DPP10: variants seen among roughly 807,000 people sequenced by gnomAD.
DPP10 encodes inactive dipeptidyl peptidase 10.
In DPP10, 33 loss-of-function variants were observed where a neutral mutation model predicts 120.9. The observed-to-expected ratio is 0.27, with a 90% CI of 0.21 to 0.37. The LOEUF is 0.37. Ranked by LOEUF, DPP10 falls within the 10% of genes least tolerant of loss-of-function variation. The pLI is 1.00. For synonymous variants in DPP10, 337 were observed against 326.1 expected, an observed-to-expected ratio of 1.03 and a Z score of -0.36; for missense variants, 816 against 942.8, an observed-to-expected ratio of 0.87 and a Z score of 1.76.
intron 1 of DPP10, among the ~76,000 whole-genome samples, chr2:114,540,271 G>A (rs757148028): frequency 3.9e-5 from 6 of 152,172 alleles, no homozygotes; most frequent in African/African-American, 9.7e-5. Flanking sequence ...TTGATGGTTC[G>A]GAAGGACAAT....
rs190795853 is a variant in DPP10 at position 114,704,795 on chromosome 2, C to A, written c.60+261957C>A. Among the ~76,000 whole-genome samples the A allele has an allele frequency of 1.1e-3, 167 of 152,188 alleles. 1 individual carries two copies. The highest frequency in any genetic ancestry group is 3.6e-3 in the African/African-American group (150 of 41,522). ...AATAATTTATATGTTGAAGCTCTAA[C>A]CTCTGATATGATTGAATTTGGAGAT... On this transcript the variant is annotated intron_variant, in intron 1 of 25. Coordinates refer to ENST00000410059, the MANE Select transcript of DPP10 (RefSeq NM_020868.6).
chr2:115,446,744 C>A (rs2072630893), intron 3 of DPP10, among the ~76,000 whole-genome samples: 1 of 152,072 alleles, frequency 6.6e-6, no homozygotes, highest in Non-Finnish European at 1.5e-5. Flanking sequence ...AAGGGATGTG[C>A]TTATTAGGTC....
intron 1 of DPP10, among the ~76,000 whole-genome samples, chr2:114,898,353 TG>T (rs1574444332): frequency 1.9e-5 from 2 of 103,076 alleles, no homozygotes; most frequent in Admixed American, 1.1e-4. Context: ...TGTTGTGGGG[TG>T]GGGGATGGGG....
chr2:115,647,422 A>G (rs1286972929), intron 5 of DPP10, among the ~76,000 whole-genome samples: 1 of 152,156 alleles, frequency 6.6e-6, no homozygotes, highest in African/African-American at 2.4e-5. Context: ...GCTGGTATGT[A>G]CTAAACACTC....
intron 1 of DPP10, among the ~76,000 whole-genome samples, chr2:115,205,632 G>T (rs1356287687): frequency 6.6e-6 from 1 of 152,134 alleles, no homozygotes; most frequent in Non-Finnish European, 1.5e-5. Context: ...TAACCTCGGT[G>T]CCCATCAGTG....
At chr2:115,738,314 C>G (rs1006951309) in intron 8 of DPP10, among the ~76,000 whole-genome samples, 1 of 152,156 alleles carries the variant, frequency 6.6e-6, no homozygotes, top group Admixed American at 6.5e-5. Context: ...CATGGGCATT[C>G]CTGATTTCAC....
intron 1 of DPP10, among the ~76,000 whole-genome samples, chr2:115,202,718 T>A (rs1049328819): frequency 2.0e-5 from 3 of 152,202 alleles, no homozygotes; most frequent in Admixed American, 6.5e-5. Context: ...TATTTCTGTT[T>A]AATATGGACA....
chr2:115,184,720 A>G (rs771364214), intron 1 of DPP10, among the ~76,000 whole-genome samples: 48 of 152,348 alleles, frequency 3.2e-4, no homozygotes, highest in Non-Finnish European at 5.9e-4. Context: ...TTCGTACAGG[A>G]GATAGATATC....
In DPP10 at chr2:115,066,664, T is replaced by A. The variant is rs2105424601; in HGVS notation, c.61-242575T>A. 3 of 152,296 alleles carry A rather than the reference T, an allele frequency of 2.0e-5. 1 individual carries two copies. The South Asian group carries it at 6.2e-4, about 32-fold the overall frequency. 9.4% of individuals were successfully genotyped at this position (152,296 alleles called of 1,614,324 possible). A position where few individuals can be genotyped will look rare whatever the true frequency, so the allele number is the denominator to read the frequency against. On this transcript the variant is annotated intron_variant, in intron 1 of 25. Transcript: ENST00000410059. ...TATCTATGATTTCCTCCACAGATAA[T>A]TACTGGGAACCTGATGCTCAGTACT...
intron 5 of DPP10, among the ~76,000 whole-genome samples, chr2:115,657,280 G>T (rs949712767): frequency 6.6e-6 from 1 of 151,692 alleles, no homozygotes; most frequent in African/African-American, 2.4e-5. Flanking sequence ...CTAATTAACA[G>T]CTGGTGATAA....
At chr2:114,942,399 A>AT in intron 1 of DPP10, among the ~76,000 whole-genome samples, 1 of 114,248 alleles carries the variant, frequency 8.8e-6, no homozygotes, top group Non-Finnish European at 2.0e-5. Flanking sequence ...ATACACACAC[A>AT]CACATATATA....
At chr2:114,646,233 T>A (rs1423492536) in intron 1 of DPP10, among the ~76,000 whole-genome samples, 1 of 151,900 alleles carries the variant, frequency 6.6e-6, no homozygotes, top group African/African-American at 2.4e-5. Flanking sequence ...CTAGTCTGCA[T>A]CCATTCAGAG....
Position 115,836,785 on chromosome 2 carries a change from G to T in DPP10, c.2182+39G>T. ...TTGCCGCTGCTGTTTGATAGGGTATGACCTTTTACAAAGGGATACATCTAA... is the reference window on the plus strand; with the variant it reads ...TTGCCGCTGCTGTTTGATAGGGTATTACCTTTTACAAAGGGATACATCTAA... On this transcript the variant is annotated intron_variant, in intron 24 of 25. Transcript: ENST00000410059. 1.9e-6 allele frequency: 3 copies of T among 1,581,120 alleles called. No homozygotes were observed. In the South Asian group the frequency reaches 3.5e-5, roughly 18 times the overall value.
Position 114,638,891 on chromosome 2 carries a change from G to A in DPP10, c.60+196053G>A, listed in dbSNP as rs60790997. On this transcript the variant is annotated intron_variant, in intron 1 of 25. Coordinates refer to ENST00000410059, the MANE Select transcript of DPP10 (RefSeq NM_020868.6). ...GCAAAACCATAGGAGCAAGTTAGGC[G>A]CCCATGAGTGGATTGGATAATGAAA... Among the ~76,000 whole-genome samples, 184 of 151,862 alleles carry A rather than the reference G, an allele frequency of 1.2e-3. 6 individuals are homozygous for A. In the East Asian group the frequency reaches 0.032, roughly 26 times the overall value.
At position 115,223,521 on chromosome 2, in the gene DPP10, C is replaced by T. The variant is rs544046277; in HGVS notation, c.61-85718C>T. On this transcript the variant is annotated intron_variant, in intron 1 of 25. Transcript: ENST00000410059. ...TTTAGATAAGACATATTTGGTTTGG[C>T]GAGCTGTAAGGAGTTAATAGTTTTA... Among the ~76,000 whole-genome samples, 9 of 151,984 alleles carry T rather than the reference C, an allele frequency of 5.9e-5. No individual in the cohort carries two copies. The South Asian group carries it at 8.3e-4, about 14-fold the overall frequency.
intron 1 of DPP10, among the ~76,000 whole-genome samples, chr2:115,241,698 G>C (rs991480021): frequency 2.0e-5 from 3 of 152,100 alleles, no homozygotes; most frequent in Non-Finnish European, 4.4e-5. Flanking sequence ...CTTTTCATTA[G>C]ATGGATTTTG....
chr2:115,598,160 G>T (rs2083099643), intron 5 of DPP10, among the ~76,000 whole-genome samples: 1 of 151,140 alleles, frequency 6.6e-6, no homozygotes, highest in South Asian at 2.1e-4. Context: ...TTTCCCTTTT[G>T]GATAGCATAT....
intron 1 of DPP10, among the ~76,000 whole-genome samples, chr2:115,197,688 G>T (rs986456330): frequency 2.0e-5 from 3 of 152,110 alleles, no homozygotes; most frequent in African/African-American, 7.2e-5. Context: ...ACTTTATCTG[G>T]GTAGCTAGAA....
At chr2:115,666,045 C>T (rs759748325) in intron 5 of DPP10, among the ~76,000 whole-genome samples, 2 of 152,106 alleles carry the variant, frequency 1.3e-5, no homozygotes, top group African/African-American at 2.4e-5. Flanking sequence ...TCTCCCTCCT[C>T]CCATCCTCCA....
Sources: allele counts gnomAD v4.1 joint callset (sites outside exome capture counted in the v4.1 genomes callset), GRCh38; gene constraint gnomAD v4.1.1; transcripts MANE v1.5; gene names NCBI Gene and HGNC (gene_info 2026-07-23, HGNC 2026-07-21).